Variants in KLF12 observed in about 807,000 individuals in gnomAD.
KLF12 encodes Krueppel-like factor 12.
A neutral mutation model predicts 37.8 loss-of-function variants in KLF12; 9 were observed. That is an observed-to-expected ratio of 0.24 (90% CI 0.14 to 0.42). KLF12 has a LOEUF of 0.42. Among genes scored for constraint, KLF12 ranks in the 10% least tolerant of loss-of-function variants. The pLI is 1.00. For synonymous variants in KLF12, 208 were observed against 202.1 expected, an observed-to-expected ratio of 1.03 and a Z score of -0.25; for missense variants, 411 against 516.0, an observed-to-expected ratio of 0.80 and a Z score of 1.97.
chr13:73,763,431 G>A (rs1359983080), intron 6 of KLF12, among the ~76,000 whole-genome samples: 2 of 152,086 alleles, frequency 1.3e-5, no homozygotes, highest in African/African-American at 4.8e-5. Context: ...AAATGTTGCT[G>A]AATAAATAAA....
chr13:73,851,462 A>T (rs2138726403), intron 3 of KLF12, among the ~76,000 whole-genome samples: 2 of 152,304 alleles, frequency 1.3e-5, no homozygotes, highest in Middle Eastern at 6.8e-3. Flanking sequence ...GCTGAGTTAG[A>T]TTGGCCCACA....
chr13:73,912,884 A>G (rs192333630), intron 3 of KLF12, among the ~76,000 whole-genome samples: 88 of 152,096 alleles, frequency 5.8e-4, no homozygotes, highest in African/African-American at 2.0e-3. Context: ...TCACAGCATG[A>G]AGCTTTAGGC....
chr13:74,031,048 C>G (rs765821441), intron 1 of KLF12, among the ~76,000 whole-genome samples: 2 of 152,084 alleles, frequency 1.3e-5, no homozygotes, highest in Non-Finnish European at 2.9e-5. Flanking sequence ...TGCTATATCT[C>G]GAACTACAAA....
At chr13:74,094,039 A>T (rs1441494718) in intron 1 of KLF12, among the ~76,000 whole-genome samples, 1 of 152,060 alleles carries the variant, frequency 6.6e-6, no homozygotes, top group Non-Finnish European at 1.5e-5. Flanking sequence ...AAATTAGTAT[A>T]TTTGATACAT....
chr13:73,773,490 TAAAC>T (rs1317064173), intron 5 of KLF12, among the ~76,000 whole-genome samples: 1 of 152,188 alleles, frequency 6.6e-6, no homozygotes. Flanking sequence ...TCAATTCTGT[TAAAC>T]AACCCAGAAA....
intron 7 of KLF12, among the ~76,000 whole-genome samples, chr13:73,710,081 A>C (rs1875251860): frequency 6.6e-6 from 1 of 152,300 alleles, no homozygotes; most frequent in East Asian, 1.9e-4. Flanking sequence ...CCTCAGAATA[A>C]TGATTCTGTC....
intron 7 of KLF12, among the ~76,000 whole-genome samples, chr13:73,703,890 A>C (rs1216922078): frequency 6.6e-6 from 1 of 152,240 alleles, no homozygotes; most frequent in Non-Finnish European, 1.5e-5. Flanking sequence ...CAGGACAGAC[A>C]ATAGTGTTAA....
rs1890266635 is a variant in KLF12, at chr13:73,943,191, A to G, written c.123+790T>C. Among the ~76,000 whole-genome samples the G allele has an allele frequency of 2.0e-5, 3 of 152,324 alleles. No homozygotes were observed. In the South Asian group the frequency reaches 6.2e-4, roughly 32 times the overall value. On this transcript the variant is annotated intron_variant, in intron 3 of 7. Transcript: ENST00000377669. The stretch of plus-strand genomic sequence containing the variant: ...TAAGGTAAAGATTATATACGTATTT[A>G]TGTCCTTCTATCAGTCACCTGTGCT...
chr13:73,847,000 T>C (rs565934381), intron 3 of KLF12, among the ~76,000 whole-genome samples: 1 of 152,284 alleles, frequency 6.6e-6, no homozygotes, highest in African/African-American at 2.4e-5. Context: ...TGAATTTTCA[T>C]TTAATCTGAA....
chr13:74,106,699 C>T (rs1167731032), intron 1 of KLF12, among the ~76,000 whole-genome samples: 1 of 152,102 alleles, frequency 6.6e-6, no homozygotes, highest in East Asian at 1.9e-4. Flanking sequence ...CTGGGCTAAA[C>T]AGATGATCAT....
the KLF12 span, among the ~76,000 whole-genome samples, chr13:74,221,056 G>T: frequency 6.6e-6 from 1 of 150,448 alleles, no homozygotes. Context: ...CCAGGCTGGA[G>T]TGCAGTGGTG....
intron 5 of KLF12, among the ~76,000 whole-genome samples, chr13:73,780,565 C>T (rs568766984): frequency 3.5e-4 from 53 of 152,218 alleles, no homozygotes; most frequent in African/African-American, 1.3e-3. Context: ...CCGCAACCTC[C>T]GCCGCCCAAG....
intron 4 of KLF12, among the ~76,000 whole-genome samples, chr13:73,821,204 A>G (rs369074078): frequency 6.6e-5 from 10 of 151,796 alleles, no homozygotes; most frequent in African/African-American, 2.4e-4. Flanking sequence ...AGGTTTCGCT[A>G]CCTATTCTTT....
At chr13:74,139,644 A>G in the KLF12 span, among the ~76,000 whole-genome samples, 4 of 152,178 alleles carry the variant, frequency 2.6e-5, no homozygotes, top group East Asian at 1.9e-4. Context: ...ATTCAATTAT[A>G]TTCCTCTTCA....
In KLF12 at chr13:73,845,861, CACG is replaced by C; in HGVS notation, c.633_635del (p.Val212del). ...GGCCTCTCCCATCCTCCAAAAGCGG[CACG>C]ACAATAGTGTTGTTCACATTTCCAG... On this transcript the variant is annotated inframe_deletion, in exon 4 of 8. Transcript: ENST00000377669. The C allele has an allele frequency of 6.2e-7, 1 of 1,613,964 alleles. No individual in the cohort carries two copies. The highest frequency in any genetic ancestry group is 2.2e-5 in the East Asian group (1 of 44,888).
At chr13:74,227,284 A>C in the KLF12 span, among the ~76,000 whole-genome samples, 7 of 152,062 alleles carry the variant, frequency 4.6e-5, no homozygotes, top group Non-Finnish European at 1.5e-5. Context: ...ACTCCTGCAG[A>C]GTGTTGTACC....
At chr13:73,963,244 T>C (rs1044720293) in intron 2 of KLF12, among the ~76,000 whole-genome samples, 4 of 151,832 alleles carry the variant, frequency 2.6e-5, no homozygotes, top group African/African-American at 9.7e-5. Context: ...TCAAAGTTTC[T>C]ATACAGGTTA....
chr13:74,280,870 C>T, the KLF12 span, among the ~76,000 whole-genome samples: 1 of 132,600 alleles, frequency 7.5e-6, no homozygotes, highest in Admixed American at 8.5e-5. Flanking sequence ...AAAACTGGCA[C>T]AGAAAAAGGG....
chr13:74,209,021 T>C, the KLF12 span, among the ~76,000 whole-genome samples: 1 of 152,116 alleles, frequency 6.6e-6, no homozygotes, highest in East Asian at 1.9e-4. Context: ...TTCAGTTAAA[T>C]CCGATCTTGA....
Sources: allele counts gnomAD v4.1 joint callset (sites outside exome capture counted in the v4.1 genomes callset), GRCh38; gene constraint gnomAD v4.1.1; transcripts MANE v1.5; gene names NCBI Gene and HGNC (gene_info 2026-07-23, HGNC 2026-07-21).